Variants in KLHL22 observed in about 807,000 individuals in gnomAD.
KLHL22 encodes the protein kelch like family member 22.
In KLHL22, 18 loss-of-function variants were observed where a neutral mutation model predicts 60.7. That is an observed-to-expected ratio of 0.30 (90% CI 0.20 to 0.44). The LOEUF (loss-of-function observed/expected upper bound fraction) is 0.44. KLHL22 is among the 20% of genes least tolerant of loss of function. KLHL22 has a pLI of 1.00. For synonymous variants in KLHL22, 355 were observed against 354.5 expected (o/e 1.00, Z -0.01); for missense variants, 596 against 852.3 (o/e 0.70, Z 3.74).
chr22:20,441,944 A>C lies in KLHL22; in HGVS notation c.*129T>G. On this transcript the variant is annotated 3_prime_UTR_variant, in exon 7 of 7. Transcript: ENST00000328879. ...AGGGGCTGGTGTGAAGAAAGAGGGC[A>C]GGGCCCATAAGCTGTGGCCAACAGG... is the stretch of plus-strand genomic sequence containing the variant. The C allele has an allele frequency of 1.1e-6, 1 of 907,504 alleles. No homozygotes were observed. Among genetic ancestry groups the C allele is most frequent in the Non-Finnish European group, 1.6e-6 (1 of 632,914 alleles). The allele number at this position is 907,504 out of a possible 1,614,324, so 56.2% of individuals were successfully genotyped here.
At chr22:20,474,321 C>G (rs902122310) in intron 2 of KLHL22, among the ~76,000 whole-genome samples, 21 of 151,886 alleles carry the variant, frequency 1.4e-4, no homozygotes, top group African/African-American at 4.4e-4. Flanking sequence ...AACAATATAG[C>G]TTGGAGACTG....
intron 5 of KLHL22, among the ~76,000 whole-genome samples, chr22:20,452,217 A>G (rs1212778098): frequency 6.6e-6 from 1 of 151,570 alleles, no homozygotes; most frequent in Non-Finnish European, 1.5e-5. Flanking sequence ...AGCCTAGATG[A>G]TTGGAAAGAT....
intron 2 of KLHL22, chr22:20,475,109 C>G (rs1381172314): frequency 6.6e-6 from 1 of 151,554 alleles, no homozygotes; most frequent in Non-Finnish European, 1.5e-5. Flanking sequence ...TTGAAGAAAT[C>G]TGCCCTTTCT....
At chr22:20,489,923 T>C (rs1461088378) in intron 1 of KLHL22, 1 of 386,080 alleles carries the variant, frequency 2.6e-6, no homozygotes, top group Non-Finnish European at 5.3e-6. Context: ...TGCATTGCCT[T>C]TTAAATTAAA....
chr22:20,450,632 T>A, intron 5 of KLHL22: 1 of 1,588,184 alleles, frequency 6.3e-7, no homozygotes, highest in African/African-American at 1.3e-5. Flanking sequence ...GAAGAGTTCA[T>A]TCTTCTGAGG....
chr22:20,483,453 T>C, intron 2 of KLHL22: 1 of 766,924 alleles, frequency 1.3e-6, no homozygotes, highest in Non-Finnish European at 2.4e-6. Context: ...TTACTTCCTC[T>C]TCATGGTTCT....
At chr22:20,480,595 C>T (rs2053482413) in intron 2 of KLHL22, among the ~76,000 whole-genome samples, 1 of 152,042 alleles carries the variant, frequency 6.6e-6, no homozygotes, top group Non-Finnish European at 1.5e-5. Flanking sequence ...TGTCCAAACT[C>T]TTTAAATCAA....
rs1455345023 is a variant in KLHL22, at chr22:20,488,986, T to C, written c.226A>G (p.Arg76Gly). ...ILLAASCDYF[R>G]GMFAGGLKEM... ...TACAAACAGCTCTAGTGAACTCACC[T>C]GAAGTAATCGCAGGACGCAGCCAGC... Residue 76 changes from arginine (R) to glycine (G), a missense_variant and splice_region_variant, in exon 2 of 7, where the codon AGA becomes GGA. By Grantham distance (125) the Arg-to-Gly change is moderately radical. Transcript: ENST00000328879. The C allele has an allele frequency of 6.2e-7, 1 of 1,613,510 alleles. No individual in the cohort carries two copies. The highest frequency in any genetic ancestry group is 1.1e-5 in the South Asian group (1 of 91,058).
intron 4 of KLHL22, among the ~76,000 whole-genome samples, chr22:20,461,782 G>C (rs940546083): frequency 2.6e-5 from 4 of 151,762 alleles, no homozygotes; most frequent in East Asian, 1.9e-4. Context: ...GGTCAACATG[G>C]TGAAACTCCA....
intron 5 of KLHL22, chr22:20,450,482 G>C: frequency 1.9e-6 from 3 of 1,613,824 alleles, no homozygotes; most frequent in Non-Finnish European, 2.5e-6. Context: ...AAACAAGCCT[G>C]CTGTGAGTTC....
At chr22:20,461,550 C>CAAAA (rs362095) in intron 4 of KLHL22, among the ~76,000 whole-genome samples, 15 of 64,718 alleles carry the variant, frequency 2.3e-4, no homozygotes, top group Middle Eastern at 8.8e-3. Flanking sequence ...GACTCCAACT[C>CAAAA]AAAAAAAAAA....
intron 5 of KLHL22, among the ~76,000 whole-genome samples, chr22:20,447,904 T>C (rs956792538): frequency 1.3e-5 from 2 of 152,124 alleles, no homozygotes; most frequent in Non-Finnish European, 2.9e-5. Flanking sequence ...TAGTTGGAAG[T>C]AAAAATACAG....
intron 3 of KLHL22, among the ~76,000 whole-genome samples, chr22:20,468,362 G>T (rs902023574): frequency 6.6e-5 from 10 of 152,208 alleles, no homozygotes; most frequent in African/African-American, 2.4e-4. Context: ...TGGGCCTTCT[G>T]TTCAGTGAAA....
chr22:20,447,540 TTTTC>T (rs2052889250), intron 5 of KLHL22, among the ~76,000 whole-genome samples: 1 of 127,488 alleles, frequency 7.8e-6, no homozygotes, highest in Non-Finnish European at 1.7e-5. Flanking sequence ...CTGGGGAGGT[TTTTC>T]TTTTTTTTTT....
intron 2 of KLHL22, among the ~76,000 whole-genome samples, chr22:20,485,893 G>A (rs1280725734): frequency 4.6e-5 from 7 of 150,976 alleles, no homozygotes; most frequent in South Asian, 2.1e-4. Context: ...AAGGCTGGGC[G>A]TGGTGTGGCT....
intron 2 of KLHL22, 64 bp from the exon 3 acceptor site, chr22:20,471,579 G>C (rs2053327240): frequency 6.5e-7 from 1 of 1,548,770 alleles, no homozygotes; most frequent in Non-Finnish European, 8.8e-7. Context: ...ATGTTGCCAA[G>C]AGTGACAGCA....
In KLHL22 at chr22:20,465,181, G is replaced by A; in HGVS notation, c.789C>T (p.Pro263=). Residue 263 remains proline, a synonymous_variant, in exon 4 of 7, where the codon CCC becomes CCT. Coordinates refer to ENST00000328879, the MANE Select transcript of KLHL22 (RefSeq NM_032775.4). This position sits in a 1 kb window ranked among gnomAD's most constrained non-coding sequence, Gnocchi z 4.9. ...VLQRLHDKLD[P]SPLRDTVASA... is the part of the protein sequence containing the mutation. ...TGGCCACTGTGTCCCTCAAAGGGCT[G>A]GGGTCCAGCTTGTCATGCAGCCGCT... 1 of 1,613,860 alleles carries A rather than the reference G, an allele frequency of 6.2e-7. No homozygotes were observed. The highest frequency in any genetic ancestry group is 8.5e-7 in the Non-Finnish European group (1 of 1,180,002).
chr22:20,483,860 C>A, intron 2 of KLHL22: 1 of 718,336 alleles, frequency 1.4e-6, no homozygotes, highest in Non-Finnish European at 2.5e-6. Context: ...TTTGTATGGT[C>A]TCCTTCTCAT....
intron 1 of KLHL22, among the ~76,000 whole-genome samples, chr22:20,493,607 C>T (rs2146297995): frequency 6.6e-6 from 1 of 152,138 alleles, no homozygotes; most frequent in African/African-American, 2.4e-5. Flanking sequence ...TAGTGAAACC[C>T]CATCTCTACT....
Sources: allele counts gnomAD v4.1 joint callset (sites outside exome capture counted in the v4.1 genomes callset), GRCh38; gene constraint gnomAD v4.1.1; non-coding constraint Gnocchi (gnomAD v3.1); transcripts MANE v1.5; gene names NCBI Gene and HGNC (gene_info 2026-07-23, HGNC 2026-07-21).